Variants in IL18RAP observed in about 807,000 individuals in gnomAD.
IL18RAP encodes interleukin-18 receptor accessory protein.
Under a neutral mutation model 58.1 loss-of-function variants are expected in IL18RAP, and 37 were observed. That is an observed-to-expected ratio of 0.64 (90% CI 0.49 to 0.84). IL18RAP has a LOEUF of 0.84. Ranked by LOEUF, IL18RAP falls within the 40% of genes least tolerant of loss-of-function variation. IL18RAP has a pLI of 0.00. For synonymous variants in IL18RAP, 268 were observed against 257.5 expected (o/e 1.04, Z -0.39); for missense variants, 667 against 704.8 (o/e 0.95, Z 0.61).
intron 5 of IL18RAP, among the ~76,000 whole-genome samples, chr2:102,442,506 A>G (rs531434413): frequency 1.8e-3 from 276 of 152,306 alleles, no homozygotes; most frequent in African/African-American, 6.5e-3. Context: ...AGATTAATTC[A>G]TATAGTCAAG....
chr2:102,446,551 T>C (rs1240960595), intron 7 of IL18RAP, among the ~76,000 whole-genome samples: 1 of 152,128 alleles, frequency 6.6e-6, no homozygotes, highest in Admixed American at 6.5e-5. Flanking sequence ...AAACACACAA[T>C]GTTTTGTTTT....
At chr2:102,444,883 T>A (rs1486274853) in intron 6 of IL18RAP, among the ~76,000 whole-genome samples, 1 of 152,090 alleles carries the variant, frequency 6.6e-6, no homozygotes, top group Non-Finnish European at 1.5e-5. Flanking sequence ...TCAGTAGGAG[T>A]TGGTCATTTT....
intron 3 of IL18RAP, among the ~76,000 whole-genome samples, chr2:102,425,292 G>C (rs937096397): frequency 2.6e-5 from 4 of 152,122 alleles, no homozygotes; most frequent in Non-Finnish European, 5.9e-5. Flanking sequence ...AGAAAGATGA[G>C]TTATCTAATG....
chr2:102,447,932 C>T (rs1264367803), intron 8 of IL18RAP, among the ~76,000 whole-genome samples: 1 of 152,090 alleles, frequency 6.6e-6, no homozygotes, highest in African/African-American at 2.4e-5. Flanking sequence ...CTGGGTTTCA[C>T]CATGTTGGCC....
intron 4 of IL18RAP, among the ~76,000 whole-genome samples, chr2:102,437,602 T>C (rs1458307993): frequency 6.6e-6 from 1 of 152,188 alleles, no homozygotes; most frequent in Non-Finnish European, 1.5e-5. Context: ...GATTTGCTTT[T>C]GTAATAAATT....
At chr2:102,449,649 A>G (rs1487435376) in intron 8 of IL18RAP, among the ~76,000 whole-genome samples, 1 of 152,192 alleles carries the variant, frequency 6.6e-6, no homozygotes, top group Non-Finnish European at 1.5e-5. Context: ...AATTTTAGAG[A>G]TGTAGAATGT....
At chr2:102,425,747 G>C (rs1681897730) in intron 3 of IL18RAP, among the ~76,000 whole-genome samples, 1 of 151,912 alleles carries the variant, frequency 6.6e-6, no homozygotes, top group Admixed American at 6.6e-5. Flanking sequence ...AATGTGTTTG[G>C]CTTTTCAATG....
At chr2:102,442,719 C>T (rs1489832801) in intron 5 of IL18RAP, among the ~76,000 whole-genome samples, 1 of 151,264 alleles carries the variant, frequency 6.6e-6, no homozygotes, top group South Asian at 2.1e-4. Flanking sequence ...GTGAATTGTT[C>T]AGAAAAATTG....
chr2:102,424,207 C>A lies in IL18RAP; in HGVS notation c.396-24C>A, dbSNP rs761428017. ...ATTATCTAGACAAAATATCTATGTT[C>A]ACAGGATCTTGTTAATTTCCTAGGA... On this transcript the variant is annotated intron_variant, in intron 2 of 9. Coordinates refer to ENST00000687160, the MANE Select transcript of IL18RAP (RefSeq NM_001393487.1). 12 of 1,612,046 alleles carry A rather than the reference C, an allele frequency of 7.4e-6. No homozygotes were observed. In the African/African-American group the frequency reaches 1.6e-4, roughly 22 times the overall value.
Position 102,443,065 on chromosome 2 carries a change from AT to A in IL18RAP, c.797-132del, listed in dbSNP as rs1002874064. Reference sequence around the variant, plus strand: ...ATGAGAGCTGTGTAGACGTTTCATTATTTCTGGCACACATATTCTACCTGCA... The same window carrying A: ...ATGAGAGCTGTGTAGACGTTTCATTATTCTGGCACACATATTCTACCTGCA... On this transcript the variant is annotated intron_variant, in intron 5 of 9. Coordinates refer to ENST00000687160, the MANE Select transcript of IL18RAP (RefSeq NM_001393487.1). 4 of 784,580 alleles carry A rather than the reference AT, an allele frequency of 5.1e-6. No individual in the cohort carries two copies. In the African/African-American group the frequency reaches 7.0e-5, roughly 14 times the overall value. The allele number at this position is 784,580 out of a possible 1,614,324, so 48.6% of individuals were successfully genotyped here. A position where few individuals can be genotyped will look rare whatever the true frequency, so the allele number is the denominator to read the frequency against.
intron 3 of IL18RAP, 89 bp from the exon 4 acceptor site, chr2:102,437,123 G>A: frequency 7.9e-7 from 1 of 1,261,910 alleles, no homozygotes; most frequent in Non-Finnish European, 1.1e-6. Context: ...CTTCCTCCCT[G>A]TTCAAATTTG....
intron 8 of IL18RAP, among the ~76,000 whole-genome samples, chr2:102,450,644 C>T (rs1683705096): frequency 6.6e-6 from 1 of 152,146 alleles, no homozygotes; most frequent in African/African-American, 2.4e-5. Context: ...AAGACTGCTT[C>T]ATAAATTAGA....
In IL18RAP at chr2:102,450,911, C is replaced by A; in HGVS notation, c.1274C>A (p.Thr425Asn). ...TGGAGCTCTTTTCCAAGTGAGGCCA[C>A]TTCATCTCTGAGTGAAGAACACTTG... ...AKWSSFPSEA[T>N]SSLSEEHLAL... The change falls in exon 9 of 10, where the codon ACT becomes AAT. Residue 425 changes from threonine (T) to asparagine (N), a missense_variant. Transcript: ENST00000687160. 1 of 1,612,980 alleles carries A rather than the reference C, an allele frequency of 6.2e-7. No homozygotes were observed. The highest frequency in any genetic ancestry group is 8.5e-7 in the Non-Finnish European group (1 of 1,179,486).
intron 3 of IL18RAP, among the ~76,000 whole-genome samples, chr2:102,433,161 C>T (rs1056390656): frequency 1.3e-5 from 2 of 152,180 alleles, no homozygotes; most frequent in Admixed American, 1.3e-4. Context: ...ATGCCACATT[C>T]TCTTGCCACA....
chr2:102,430,062 T>A (rs1682234387), intron 3 of IL18RAP, among the ~76,000 whole-genome samples: 1 of 152,046 alleles, frequency 6.6e-6, no homozygotes, highest in African/African-American at 2.4e-5. Flanking sequence ...ATGTTCTGTA[T>A]ATGTCTGTTA....
At position 102,424,445 on chromosome 2, in the gene IL18RAP, G is replaced by T. The variant is rs931198801; in HGVS notation, c.579+31G>T. ...AGTGAATTCTCTAAAATTAATATAA[G>T]AGCATTGTTTTTATGGTATCTTCTT... On this transcript the variant is annotated intron_variant, in intron 3 of 9. Transcript: ENST00000687160. The T allele has an allele frequency of 3.8e-6, 6 of 1,576,950 alleles. No homozygotes were observed. The African/African-American group carries it at 8.1e-5, about 21-fold the overall frequency.
Position 102,424,293 on chromosome 2 carries a change from C to T in IL18RAP, c.458C>T (p.Ala153Val), listed in dbSNP as rs760334912. Residue 153 changes from alanine (A) to valine (V), a missense_variant, in exon 3 of 10, where the codon GCA (alanine) becomes GTA (valine). Coordinates refer to ENST00000687160, the MANE Select transcript of IL18RAP (RefSeq NM_001393487.1). ...TTAGAAGTTAAGCCCCAGACAAATG[C>T]ATCCTGTGAGTATTCCGCATCACAT... ...MILEVKPQTNASCEYSASHKQ... is the reference protein window; with the variant it reads ...MILEVKPQTNVSCEYSASHKQ... 15 of 1,614,036 alleles carry T rather than the reference C, an allele frequency of 9.3e-6. No homozygotes were observed. In the East Asian group the frequency reaches 3.1e-4, roughly 34 times the overall value.
rs1253932750 is a variant in IL18RAP at position 102,423,936 on chromosome 2, C to A, written c.196C>A (p.Gln66Lys). The A allele has an allele frequency of 1.1e-5, 18 of 1,613,930 alleles. No individual in the cohort carries two copies. Among genetic ancestry groups the A allele is most frequent in the Non-Finnish European group, 1.5e-5 (18 of 1,179,990 alleles). ...CCACAGAAATCGACTCTCACCAAAACAAGTCCCTGAGCACCTGCCCTTCAT... is the reference window on the plus strand; with the variant it reads ...CCACAGAAATCGACTCTCACCAAAAAAAGTCCCTGAGCACCTGCCCTTCAT... ...FCHRNRLSPK[Q>K]VPEHLPFMGS... Residue 66 changes from glutamine (Q) to lysine (K), a missense_variant, in exon 2 of 10, where the codon CAA becomes AAA. By Grantham distance (53) the Gln-to-Lys change is moderately conservative. Transcript: ENST00000687160.
At chr2:102,435,208 G>T (rs993016501) in intron 3 of IL18RAP, 2 of 152,230 alleles carry the variant, frequency 1.3e-5, no homozygotes, top group African/African-American at 4.8e-5. Context: ...GACTAGAATG[G>T]AAATAAAGGT....
Sources: gnomAD v4.1 joint callset for allele counts (sites outside exome capture counted in the v4.1 genomes callset) on GRCh38, gnomAD v4.1.1 for gene constraint, MANE v1.5 for transcripts, NCBI Gene and HGNC (gene_info 2026-07-23, HGNC 2026-07-21) for gene names.